The following CACNA2D2 variants were observed in gnomAD, a reference collection of about 807,000 sequenced individuals.
CACNA2D2 encodes calcium voltage-gated channel auxiliary subunit alpha2delta 2.
A neutral mutation model predicts 166.4 loss-of-function variants in CACNA2D2; 48 were observed. That is an observed-to-expected ratio of 0.29 (90% CI 0.23 to 0.37). The LOEUF (loss-of-function observed/expected upper bound fraction) is 0.37. Among genes scored for constraint, CACNA2D2 ranks in the 10% least tolerant of loss-of-function variants. The pLI is 1.00. For missense variants in CACNA2D2, 1,122 were observed against 1,433.0 expected, an observed-to-expected ratio of 0.78 and a Z score of 3.50; for synonymous variants, 561 against 573.7, an observed-to-expected ratio of 0.98 and a Z score of 0.32.
Position 50,363,060 on chromosome 3 carries a change from T to C in CACNA2D2, c.*1606A>G. 1 of 398,574 alleles carries C rather than the reference T, an allele frequency of 2.5e-6. No individual in the cohort carries two copies. Among genetic ancestry groups the C allele is most frequent in the Non-Finnish European group, 4.4e-6 (1 of 226,026 alleles). The allele number at this position is 398,574 out of a possible 1,614,324, so 24.7% of individuals were successfully genotyped here. A position where few individuals can be genotyped will look rare whatever the true frequency, so the allele number is the denominator to read the frequency against. Reference sequence around the variant, plus strand: ...AGAAGGATTAGACCCAGCTGGGGGTTAGACAGCTACCTGATGGGGATTGTT... The same window carrying C: ...AGAAGGATTAGACCCAGCTGGGGGTCAGACAGCTACCTGATGGGGATTGTT... On this transcript the variant is annotated 3_prime_UTR_variant, in exon 38 of 38. Transcript: ENST00000424201.
chr3:50,434,838 C>T (rs1200797902), intron 2 of CACNA2D2, among the ~76,000 whole-genome samples: 1 of 152,238 alleles, frequency 6.6e-6, no homozygotes, highest in Non-Finnish European at 1.5e-5. Flanking sequence ...AATAAGCACA[C>T]ACCACATACC....
rs375988858 is a variant in CACNA2D2 at position 50,378,905 on chromosome 3, G to A, written c.1339+10C>T. 1.2e-6 allele frequency: 2 copies of A among 1,613,536 alleles called. No homozygotes were observed. Among genetic ancestry groups the A allele is most frequent in the Non-Finnish European group, 1.7e-6 (2 of 1,180,014 alleles). On this transcript the variant is annotated intron_variant, in intron 13 of 37. Transcript: ENST00000424201. ...GGCAGGCCCCTGACAGTGATGCGCA[G>A]GGGAGGTACCTTTGTTGGCACAGGC...
At position 50,365,198 on chromosome 3, in the gene CACNA2D2, G is replaced by C; in HGVS notation, c.3099-14C>G. 1 of 1,611,144 alleles carries C rather than the reference G, an allele frequency of 6.2e-7. No individual in the cohort carries two copies. Among genetic ancestry groups the C allele is most frequent in the Non-Finnish European group, 8.5e-7 (1 of 1,179,136 alleles). On this transcript the variant is annotated splice_polypyrimidine_tract_variant and intron_variant, in intron 35 of 37. Transcript: ENST00000424201. This position sits in a 1 kb window ranked among gnomAD's most constrained non-coding sequence, Gnocchi z 4.5. ...GCGTGGAACAGCCTGCGGGCAGCCC[G>C]GAAAGGCGGGGCGTTGAGTTTGCCC...
At chr3:50,495,810 C>T (rs145627814) in intron 1 of CACNA2D2, among the ~76,000 whole-genome samples, 1 of 152,346 alleles carries the variant, frequency 6.6e-6, no homozygotes, top group East Asian at 1.9e-4. Context: ...CCAGGCTCCA[C>T]GCCCACCCTC....
intron 1 of CACNA2D2, among the ~76,000 whole-genome samples, chr3:50,490,007 A>G (rs1698458184): frequency 1.3e-5 from 2 of 152,188 alleles, no homozygotes; most frequent in African/African-American, 4.8e-5. Context: ...GGCAACACAC[A>G]GCTAAGGTGT....
intron 1 of CACNA2D2, among the ~76,000 whole-genome samples, chr3:50,484,487 C>T (rs972873584): frequency 6.6e-6 from 1 of 152,188 alleles, no homozygotes; most frequent in Non-Finnish European, 1.5e-5. Context: ...GACCTCACCC[C>T]TCGGTGTGGC....
At position 50,397,997 on chromosome 3, in the gene CACNA2D2, G is replaced by C. The variant is rs562192232; in HGVS notation, c.406-3829C>G. Among the ~76,000 whole-genome samples the C allele has an allele frequency of 1.1e-3, 165 of 152,088 alleles. 3 individuals are homozygous for C. Among genetic ancestry groups the C allele is most frequent in the African/African-American group, 3.4e-3 (142 of 41,498 alleles). ...CTGGCAGGGAGACCGTGCCCACCCT[G>C]CCCCACCCCTGGAGGTTCATCCCTC... On this transcript the variant is annotated intron_variant, in intron 3 of 37. Transcript: ENST00000424201.
intron 3 of CACNA2D2, among the ~76,000 whole-genome samples, chr3:50,418,039 G>A (rs6446206): frequency 0.25 from 38,659 of 151,938 alleles, 6,477 homozygotes; most frequent in East Asian, 0.46. Context: ...CCCGCGAAGG[G>A]GCCAGATGGG....
intron 22 of CACNA2D2, chr3:50,373,013 G>A: frequency 6.8e-7 from 1 of 1,468,768 alleles, no homozygotes; most frequent in South Asian, 1.2e-5. Context: ...GCAGGGGCGT[G>A]AGGATGGGAG....
chr3:50,428,645 A>G (rs555149357), intron 3 of CACNA2D2, among the ~76,000 whole-genome samples: 3 of 152,318 alleles, frequency 2.0e-5, no homozygotes, highest in African/African-American at 7.2e-5. Context: ...CAAGGCCAGA[A>G]CTGCATGCCG....
chr3:50,386,372 T>C (rs186181521), intron 5 of CACNA2D2, among the ~76,000 whole-genome samples: 4 of 152,350 alleles, frequency 2.6e-5, no homozygotes, highest in African/African-American at 7.2e-5. Flanking sequence ...GGTGGGCAAC[T>C]GCAGTCTCCT....
In CACNA2D2 at chr3:50,366,674, C is replaced by G; in HGVS notation, c.2590-49G>C. 1 of 1,608,634 alleles carries G rather than the reference C, an allele frequency of 6.2e-7. No individual in the cohort carries two copies. The highest frequency in any genetic ancestry group is 8.5e-7 in the Non-Finnish European group (1 of 1,175,472). Reference sequence around the variant, plus strand: ...GTAAGCCACCCACCAGTTTTCCTCCCTCCCATCACCTTTCATACATCCGGT... The same window carrying G: ...GTAAGCCACCCACCAGTTTTCCTCCGTCCCATCACCTTTCATACATCCGGT... On this transcript the variant is annotated intron_variant, in intron 29 of 37. Transcript: ENST00000424201. This position sits in a 1 kb window ranked among gnomAD's most constrained non-coding sequence, Gnocchi z 5.9.
chr3:50,482,673 T>C (rs2107121720), intron 1 of CACNA2D2, among the ~76,000 whole-genome samples: 1 of 152,298 alleles, frequency 6.6e-6, no homozygotes, highest in East Asian at 1.9e-4. Flanking sequence ...AAACATGGGA[T>C]GGTTGTGCCT....
At chr3:50,461,887 GAAAGGAA>G (rs1177057435) in intron 2 of CACNA2D2, among the ~76,000 whole-genome samples, 2 of 152,340 alleles carry the variant, frequency 1.3e-5, no homozygotes, top group East Asian at 3.9e-4. Flanking sequence ...CCAAGAGGGG[GAAAGGAA>G]ATCCCAGGGA....
intron 2 of CACNA2D2, among the ~76,000 whole-genome samples, chr3:50,467,252 C>T (rs926867724): frequency 6.6e-6 from 1 of 152,320 alleles, no homozygotes; most frequent in South Asian, 2.1e-4. Flanking sequence ...GCCCTCCATA[C>T]CCTCACAAAG....
intron 1 of CACNA2D2, among the ~76,000 whole-genome samples, chr3:50,493,686 T>A (rs1698607945): frequency 6.6e-6 from 1 of 152,178 alleles, no homozygotes; most frequent in South Asian, 2.1e-4. Flanking sequence ...CCAAATGCGC[T>A]CCTCAGACTC....
chr3:50,471,578 C>T (rs1253938403), intron 2 of CACNA2D2, among the ~76,000 whole-genome samples: 2 of 152,206 alleles, frequency 1.3e-5, no homozygotes, highest in Non-Finnish European at 2.9e-5. Context: ...GGTAACAGAG[C>T]TCAGCCTCAG....
At chr3:50,468,146 C>T (rs1415230912) in intron 2 of CACNA2D2, among the ~76,000 whole-genome samples, 2 of 152,214 alleles carry the variant, frequency 1.3e-5, no homozygotes, top group Non-Finnish European at 2.9e-5. Context: ...CCATTCAGCC[C>T]TCTGTCCCCA....
intron 2 of CACNA2D2, among the ~76,000 whole-genome samples, chr3:50,441,848 C>T (rs755472231): frequency 1.3e-5 from 2 of 152,230 alleles, no homozygotes; most frequent in Non-Finnish European, 2.9e-5. Context: ...TTCCTGATGG[C>T]TTCTGTGAAC....
Sources: allele counts gnomAD v4.1 joint callset (sites outside exome capture counted in the v4.1 genomes callset), GRCh38; gene constraint gnomAD v4.1.1; non-coding constraint Gnocchi (gnomAD v3.1); transcripts MANE v1.5; gene names NCBI Gene and HGNC (gene_info 2026-07-23, HGNC 2026-07-21).